Variants in CAPN3 observed in about 807,000 individuals in gnomAD.
CAPN3 encodes the protein calpain-3.
A neutral mutation model predicts 114.0 loss-of-function variants in CAPN3; 88 were observed. The observed-to-expected ratio is 0.77, with a 90% CI of 0.65 to 0.92. The LOEUF is 0.92. Among genes scored for constraint, CAPN3 ranks in the 40% least tolerant of loss-of-function variants. The probability of loss-of-function intolerance (pLI) is 0.00; values close to 1 mark genes in which losing one functional copy is unlikely to be tolerated. For missense variants in CAPN3, 1,028 were observed against 1,069.0 expected, an observed-to-expected ratio of 0.96 and a Z score of 0.53; for synonymous variants, 386 against 382.9, an observed-to-expected ratio of 1.01 and a Z score of -0.09.
In CAPN3 at chr15:42,386,397, C is replaced by T. The variant is rs574653247; in HGVS notation, c.498+112C>T. ...AAACTTCCCACCCATCTACCCGCAGCGGCAACAGTCGGCATGGACCCCCTT... is the reference window on the plus strand; with the variant it reads ...AAACTTCCCACCCATCTACCCGCAGTGGCAACAGTCGGCATGGACCCCCTT... On this transcript the variant is annotated intron_variant, in intron 3 of 23. Transcript: ENST00000397163. 1.2e-4 allele frequency: 98 copies of T among 800,200 alleles called. 1 individual carries two copies. The highest frequency in any genetic ancestry group is 1.1e-3 in the South Asian group (79 of 74,494). The allele number at this position is 800,200 out of a possible 1,614,324, so 49.6% of individuals were successfully genotyped here. A position where few individuals can be genotyped will look rare whatever the true frequency, so the allele number is the denominator to read the frequency against.
intron 12 of CAPN3, chr15:42,402,407 A>G: frequency 6.9e-7 from 1 of 1,441,424 alleles, no homozygotes; most frequent in East Asian, 2.5e-5. Flanking sequence ...CCACGCTTAC[A>G]GCCACACACA....
intron 8 of CAPN3, among the ~76,000 whole-genome samples, chr15:42,395,039 C>T (rs573019698): frequency 2.6e-5 from 4 of 152,282 alleles, no homozygotes; most frequent in Non-Finnish European, 5.9e-5. Context: ...AGGAGAAGGA[C>T]CGCACCCAGG....
rs765679186 is a variant in CAPN3 at position 42,402,819 on chromosome 15, A to G, written c.1562A>G (p.Gln521Arg). ...KEMHGNKQHLQKDFFLYNASK... is the reference protein window; with the variant it reads ...KEMHGNKQHLRKDFFLYNASK... Reference sequence around the variant, plus strand: ...ATGCACGGGAACAAGCAGCACCTGCAGAAGGACTTCTTCCTGTACAACGCC... The same window carrying G: ...ATGCACGGGAACAAGCAGCACCTGCGGAAGGACTTCTTCCTGTACAACGCC... Residue 521 changes from glutamine (Q) to arginine (R), a missense_variant, in exon 13 of 24, where the codon CAG becomes CGG. Transcript: ENST00000397163. 1 of 1,614,214 alleles carries G rather than the reference A, an allele frequency of 6.2e-7. No individual in the cohort carries two copies. Among genetic ancestry groups the G allele is most frequent in the South Asian group, 1.1e-5 (1 of 91,086 alleles).
chr15:42,394,395 A>G (rs2053638287), intron 8 of CAPN3, 54 bp downstream of exon 8: 1 of 1,402,788 alleles, frequency 7.1e-7, no homozygotes, highest in Non-Finnish European at 9.9e-7. Context: ...GGTCCGGGAC[A>G]AGGCTGTGTT....
In CAPN3 at chr15:42,402,147, G is replaced by C; in HGVS notation, c.1536+12G>C. ...AGGTTCCCAAAGAGGTATAGCAGCAGCAGCGGCCAGCAGTTGTGTGCAGCA... is the reference window on the plus strand; with the variant it reads ...AGGTTCCCAAAGAGGTATAGCAGCACCAGCGGCCAGCAGTTGTGTGCAGCA... On this transcript the variant is annotated intron_variant, in intron 12 of 23. Coordinates refer to ENST00000397163, the MANE Select transcript of CAPN3 (RefSeq NM_000070.3). The C allele has an allele frequency of 6.2e-7, 1 of 1,614,088 alleles. No homozygotes were observed. The highest frequency in any genetic ancestry group is 1.3e-5 in the African/African-American group (1 of 75,042).
intron 4 of CAPN3, 65 bp downstream of exon 4, chr15:42,387,951 G>A (rs769422431): frequency 1.2e-5 from 19 of 1,595,902 alleles, no homozygotes; most frequent in East Asian, 4.5e-5. Context: ...AAATCCAGCC[G>A]AGACCTCACT....
Position 42,394,165 on chromosome 15 carries a change from G to GC in CAPN3, c.1030-85dup, listed in dbSNP as rs1384987269. The GC allele has an allele frequency of 2.0e-5, 24 of 1,180,648 alleles. No individual in the cohort carries two copies. In the Admixed American group the frequency reaches 2.2e-4, roughly 11 times the overall value. The allele number at this position is 1,180,648 out of a possible 1,614,324, so 73.1% of individuals were successfully genotyped here. A position where few individuals can be genotyped will look rare whatever the true frequency, so the allele number is the denominator to read the frequency against. ...CAGAACACCCTCGCGTAAGAGATTTGCCCCCCAGCCCCGTCCCAGCCCTCA... is the reference window on the plus strand; with the variant it reads ...CAGAACACCCTCGCGTAAGAGATTTGCCCCCCCAGCCCCGTCCCAGCCCTCA... On this transcript the variant is annotated intron_variant, in intron 7 of 23. Coordinates refer to ENST00000397163, the MANE Select transcript of CAPN3 (RefSeq NM_000070.3).
At chr15:42,410,772 G>A (rs1440492383) in intron 21 of CAPN3, 106 bp downstream of exon 21, 1 of 1,340,602 alleles carries the variant, frequency 7.5e-7, no homozygotes, top group Non-Finnish European at 1.1e-6. Flanking sequence ...AGAGGGAAAG[G>A]GCTTCTCACT....
chr15:42,408,313 C>G lies in CAPN3; in HGVS notation c.1903C>G (p.Gln635Glu), dbSNP rs768437317. ...CAAAACAAGCCCTGATAAGCAAAAG[C>G]AGTCCCCACAGGTGTCTGGGCATGT... ...KGKTSPDKQK[Q>E]SPQPQPGSSD... The change falls in exon 16 of 24, where the codon CAG becomes GAG. Residue 635 changes from glutamine to glutamate, a missense_variant. Transcript: ENST00000397163. The G allele has an allele frequency of 1.9e-6, 3 of 1,609,968 alleles. No homozygotes were observed. The highest frequency in any genetic ancestry group is 2.6e-6 in the Non-Finnish European group (3 of 1,176,352).
At chr15:42,401,143 G>A (rs142228678) in intron 10 of CAPN3, among the ~76,000 whole-genome samples, 1,615 of 151,978 alleles carry the variant, frequency 0.011, 34 homozygotes, top group African/African-American at 0.038. Context: ...GCAGTGAGCC[G>A]AGATCGCGCC....
Position 42,411,945 on chromosome 15 carries a change from T to C in CAPN3, c.*172T>C. On this transcript the variant is annotated 3_prime_UTR_variant, in exon 24 of 24. Coordinates refer to ENST00000397163, the MANE Select transcript of CAPN3 (RefSeq NM_000070.3). Reference sequence around the variant, plus strand: ...TTACCCCCTACCCATCCTTGATCGGTCATGCCTAGCCTGACCCTTTAGTAA... The same window carrying C: ...TTACCCCCTACCCATCCTTGATCGGCCATGCCTAGCCTGACCCTTTAGTAA... 1 of 1,537,180 alleles carries C rather than the reference T, an allele frequency of 6.5e-7. No homozygotes were observed. Among genetic ancestry groups the C allele is most frequent in the South Asian group, 1.2e-5 (1 of 80,776 alleles).
At chr15:42,362,991 G>A (rs1221637253) in intron 1 of CAPN3, among the ~76,000 whole-genome samples, 2 of 152,152 alleles carry the variant, frequency 1.3e-5, no homozygotes, top group Non-Finnish European at 2.9e-5. Flanking sequence ...CGACCATCAA[G>A]TATTATTTAT....
intron 4 of CAPN3, among the ~76,000 whole-genome samples, chr15:42,388,546 A>G (rs1411189894): frequency 6.6e-6 from 1 of 151,992 alleles, no homozygotes; most frequent in Non-Finnish European, 1.5e-5. Flanking sequence ...GGCTCATGCA[A>G]TCCACCAGCC....
intron 1 of CAPN3, chr15:42,374,061 T>G (rs556008320): frequency 6.6e-6 from 1 of 152,316 alleles, no homozygotes; most frequent in South Asian, 2.1e-4. Flanking sequence ...AGGCTGTCCT[T>G]GGAACTCTCT....
intron 11 of CAPN3, 105 bp downstream of exon 11, chr15:42,401,915 C>A: frequency 2.2e-6 from 3 of 1,355,992 alleles, no homozygotes; most frequent in South Asian, 2.4e-5. Context: ...ACCCAGTGAC[C>A]CACAGAGCTC....
chr15:42,403,056 C>T, intron 13 of CAPN3, 54 bp downstream of exon 13: 1 of 1,492,278 alleles, frequency 6.7e-7, no homozygotes, highest in Non-Finnish European at 9.3e-7. Flanking sequence ...ATGGCCCACT[C>T]CAGAGGTTGA....
At chr15:42,364,969 C>T (rs2052741345) in intron 1 of CAPN3, among the ~76,000 whole-genome samples, 1 of 152,184 alleles carries the variant, frequency 6.6e-6, no homozygotes, top group Non-Finnish European at 1.5e-5. Flanking sequence ...CTGGTCCTCT[C>T]CTCACCCTTG....
intron 13 of CAPN3, 152 bp from the exon 14 acceptor site, chr15:42,403,589 G>A (rs1401575587): frequency 1.3e-6 from 1 of 766,172 alleles, no homozygotes; most frequent in Admixed American, 1.7e-5. Context: ...TGCTGACATG[G>A]GGCTGGTTCC....
chr15:42,393,885 G>A (rs28364453), intron 7 of CAPN3, among the ~76,000 whole-genome samples: 1,716 of 151,188 alleles, frequency 0.011, 42 homozygotes, highest in African/African-American at 0.04. Context: ...GAGCCACCAC[G>A]CCTGGCCAGC....
Sources: gnomAD v4.1 joint callset for allele counts (sites outside exome capture counted in the v4.1 genomes callset) on GRCh38, gnomAD v4.1.1 for gene constraint, MANE v1.5 for transcripts, NCBI Gene and HGNC (gene_info 2026-07-23, HGNC 2026-07-21) for gene names.